The following PCDH20 variants were observed in gnomAD, a reference collection of about 807,000 sequenced individuals.
PCDH20 encodes the protein protocadherin-20.
Under a neutral mutation model 39.7 loss-of-function variants are expected in PCDH20, and 18 were observed. The ratio of observed to expected loss-of-function variants is 0.45; its 90% CI spans 0.31 to 0.67. PCDH20 has a LOEUF of 0.67. Ranked by LOEUF, PCDH20 falls within the 30% of genes least tolerant of loss-of-function variation. The pLI is 0.05. For missense variants in PCDH20, 1,161 were observed against 1,167.4 expected (o/e 0.99, Z 0.08); for synonymous variants, 495 against 455.4 (o/e 1.09, Z -1.11).
At chr13:61,412,022 T>C in exon 2 of PCDH20, 1 of 1,614,160 alleles carries the variant, frequency 6.2e-7, no homozygotes, top group African/African-American at 1.3e-5. Flanking sequence ...GCCCTCAGCA[T>C]ACCCTTTCCT....
exon 2 of PCDH20, chr13:61,413,852 C>T (rs1422291829): frequency 5.6e-6 from 9 of 1,612,978 alleles, no homozygotes; most frequent in Non-Finnish European, 7.6e-6. Flanking sequence ...GCCAGGCTGC[C>T]GATGAGCACC....
chr13:61,415,005 G>C, intron 1 of PCDH20, 22 bp downstream of exon 1: 1 of 1,404,176 alleles, frequency 7.1e-7, no homozygotes, highest in Non-Finnish European at 9.4e-7. Flanking sequence ...GGGTCGCGGG[G>C]TTCCTTGACC....
chr13:61,414,216 TC>T (rs1254565906), intron 1 of PCDH20, among the ~76,000 whole-genome samples: 1 of 151,820 alleles, frequency 6.6e-6, no homozygotes, highest in African/African-American at 2.4e-5. Context: ...CGTTTCCCCA[TC>T]ACCACCCTCA....
exon 1 of PCDH20, chr13:61,415,236 TG>T: frequency 7.8e-7 from 1 of 1,284,374 alleles, no homozygotes; most frequent in Non-Finnish European, 9.9e-7. Context: ...TGCAAATCGC[TG>T]GGGGAACTTC....
chr13:61,413,852 C>G, exon 2 of PCDH20: 4 of 1,612,978 alleles, frequency 2.5e-6, no homozygotes, highest in Non-Finnish European at 2.5e-6. Context: ...GCCAGGCTGC[C>G]GATGAGCACC....
At chr13:61,410,329 TA>T (rs2138016043) in exon 2 of PCDH20, 1 of 152,282 alleles carries the variant, frequency 6.6e-6, no homozygotes, top group East Asian at 1.9e-4. Context: ...TTCAAGCCTA[TA>T]AAAGTCTAAT....
exon 2 of PCDH20, chr13:61,413,069 C>A (rs766346729): frequency 6.2e-7 from 1 of 1,614,162 alleles, no homozygotes; most frequent in Non-Finnish European, 8.5e-7. Flanking sequence ...TTATCCACAG[C>A]CTGGACAGCT....
At chr13:61,414,034 G>C in intron 1 of PCDH20, 68 bp from the exon 2 acceptor site, 1 of 1,367,022 alleles carries the variant, frequency 7.3e-7, no homozygotes, top group Non-Finnish European at 9.9e-7. Context: ...AGAGAAACTA[G>C]CGCCCCTGTG....
exon 2 of PCDH20, chr13:61,413,315 C>G (rs756415202): frequency 1.9e-6 from 3 of 1,614,114 alleles, no homozygotes; most frequent in Non-Finnish European, 1.7e-6. Context: ...TTCTCATTCT[C>G]CTCCACGTCC....
Position 61,412,888 on chromosome 13 carries a change from C to G in PCDH20, c.1211G>C (p.Gly404Ala), listed in dbSNP as rs147059359. 127 of 1,613,944 alleles carry G rather than the reference C, an allele frequency of 7.9e-5. No individual in the cohort carries two copies. The highest frequency in any genetic ancestry group is 9.9e-5 in the Non-Finnish European group (117 of 1,180,036). Reference sequence around the variant, plus strand: ...AGCAGTGATTACAGCAGGGATGCAGCCTGGTCCATTAGCAAGGATGGTGAG... The same window carrying G: ...AGCAGTGATTACAGCAGGGATGCAGGCTGGTCCATTAGCAAGGATGGTGAG... The change falls in exon 2 of 2, where the codon GGC (glycine) becomes GCC (alanine). Residue 404 changes from glycine to alanine, a missense_variant. Gly to Ala is a moderately conservative substitution (Grantham distance 60). Around this residue, in one of 3 missense-constraint regions of PCDH20, gnomAD observed 754 missense variants for 777.5 expected, o/e 0.97. Coordinates refer to ENST00000409204, the Ensembl canonical transcript of PCDH20.
chr13:61,415,013 A>C lies in PCDH20; in HGVS notation c.132+14T>G. The stretch of plus-strand genomic sequence containing the variant: ...CTTGTCGGGGTCGCGGGGTTCCTTG[A>C]CCCTAACCCTTACCGGCAGGTTCCT... On this transcript the variant is annotated intron_variant, in intron 1 of 1. Coordinates refer to ENST00000409204, the Ensembl canonical transcript of PCDH20. 7.0e-7 allele frequency: 1 copy of C among 1,437,666 alleles called. No homozygotes were observed. The highest frequency in any genetic ancestry group is 9.2e-7 in the Non-Finnish European group (1 of 1,081,892). The allele number at this position is 1,437,666 out of a possible 1,614,324, so 89.1% of individuals were successfully genotyped here.
exon 1 of PCDH20, chr13:61,415,238 G>C (rs1313765058): frequency 7.8e-7 from 1 of 1,281,934 alleles, no homozygotes; most frequent in Non-Finnish European, 1.0e-6. Flanking sequence ...CAAATCGCTG[G>C]GGGAACTTCA....
exon 2 of PCDH20, chr13:61,413,901 G>T (rs771497313): frequency 1.2e-6 from 2 of 1,613,610 alleles, no homozygotes; most frequent in South Asian, 1.1e-5. Flanking sequence ...ACAGAAGCTC[G>T]GTGGCCCGGC....
At chr13:61,411,234 C>T in exon 2 of PCDH20, 1 of 1,594,784 alleles carries the variant, frequency 6.3e-7, no homozygotes, top group Non-Finnish European at 8.6e-7. Context: ...GTTATTCCAC[C>T]ATGAAATATC....
exon 1 of PCDH20, chr13:61,415,119 C>T (rs1300962247): frequency 6.5e-6 from 10 of 1,540,702 alleles, no homozygotes; most frequent in Non-Finnish European, 8.8e-6. Flanking sequence ...CAGCTCACTC[C>T]CAGGGCCTGT....
intron 1 of PCDH20, among the ~76,000 whole-genome samples, chr13:61,414,758 G>C (rs944600428): frequency 2.0e-4 from 30 of 152,138 alleles, no homozygotes; most frequent in African/African-American, 7.0e-4. Context: ...CCGAACCCCT[G>C]TAGCTAAAGC....
intron 1 of PCDH20, 99 bp from the exon 2 acceptor site, chr13:61,414,065 C>G (rs569153276): frequency 6.7e-5 from 76 of 1,126,756 alleles, no homozygotes; most frequent in Non-Finnish European, 9.2e-5. Context: ...TCCCCATCCC[C>G]GTTCCCAGAA....
At chr13:61,414,366 A>G (rs1050811651) in intron 1 of PCDH20, among the ~76,000 whole-genome samples, 3 of 152,158 alleles carry the variant, frequency 2.0e-5, no homozygotes, top group South Asian at 2.1e-4. Context: ...GGCTGGTAGT[A>G]GAGAGCACTG....
Position 61,411,593 on chromosome 13 carries a change from T to C in PCDH20, c.2506A>G (p.Thr836Ala), listed in dbSNP as rs1194501050. The change falls in exon 2 of 2, where the codon ACA becomes GCA. Residue 836 changes from threonine to alanine, a missense_variant. Thr to Ala is a moderately conservative substitution (Grantham distance 58). This residue lies in a region of PCDH20 where 754 missense variants were observed against 777.5 expected (regional missense o/e 0.97). Coordinates refer to ENST00000409204, the Ensembl canonical transcript of PCDH20. ...TTGACAAATAGGTTCACCATGACTG[T>C]GGAGTGGAGAGGCTCGGGATAACCA... 3 of 1,614,064 alleles carry C rather than the reference T, an allele frequency of 1.9e-6. No individual in the cohort carries two copies. The highest frequency in any genetic ancestry group is 2.2e-5 in the East Asian group (1 of 44,890).
Sources: gnomAD v4.1 joint callset for allele counts (sites outside exome capture counted in the v4.1 genomes callset) on GRCh38, gnomAD v4.1.1 for gene constraint, gnomAD v4.1.1 regional missense constraint, MANE v1.5 for transcripts, NCBI Gene and HGNC (gene_info 2026-07-23, HGNC 2026-07-21) for gene names.